The following CPLANE1 variants were observed in gnomAD, a reference collection of about 807,000 sequenced individuals.
The protein encoded by CPLANE1 is ciliogenesis and planar polarity effector complex subunit 1.
In CPLANE1, 263 loss-of-function variants were observed where a neutral mutation model predicts 362.5. That is an observed-to-expected ratio of 0.73 (90% confidence interval 0.66 to 0.80). The LOEUF (loss-of-function observed/expected upper bound fraction) is 0.80. Among genes scored for constraint, CPLANE1 ranks in the 30% least tolerant of loss-of-function variants. The probability of loss-of-function intolerance (pLI) is 0.00; values close to 1 mark genes in which losing one functional copy is unlikely to be tolerated. For missense variants in CPLANE1, 3,461 were observed against 3,793.4 expected, an observed-to-expected ratio of 0.91 and a Z score of 2.30; for synonymous variants, 1,212 against 1,302.6, an observed-to-expected ratio of 0.93 and a Z score of 1.50.
intron 36 of CPLANE1, among the ~76,000 whole-genome samples, chr5:37,164,922 C>A (rs539154580): frequency 6.6e-6 from 1 of 152,026 alleles, no homozygotes; most frequent in Non-Finnish European, 1.5e-5. Flanking sequence ...CTGGGCAACA[C>A]AGCAAGGTCC....
intron 30 of CPLANE1, 29 bp from the exon 31 acceptor site, chr5:37,176,015 T>C (rs1781071928): frequency 1.4e-6 from 2 of 1,450,600 alleles, no homozygotes; most frequent in African/African-American, 1.4e-5. Context: ...AGGTGATTAG[T>C]AAGCAAGATA....
At chr5:37,185,521 G>A (rs1306750054) in intron 24 of CPLANE1, among the ~76,000 whole-genome samples, 1 of 151,940 alleles carries the variant, frequency 6.6e-6, no homozygotes, top group Admixed American at 6.6e-5. Context: ...ACAATAGCAA[G>A]GGAAGGTTTT....
chr5:37,171,041 G>T (rs572577114), intron 32 of CPLANE1, among the ~76,000 whole-genome samples: 1 of 152,208 alleles, frequency 6.6e-6, no homozygotes, highest in Non-Finnish European at 1.5e-5. Context: ...CCTTGGAAAC[G>T]CTGACTAGGT....
intron 2 of CPLANE1, 84 bp downstream of exon 2, chr5:37,247,534 G>T: frequency 8.6e-7 from 1 of 1,166,206 alleles, no homozygotes; most frequent in Non-Finnish European, 1.2e-6. Flanking sequence ...ATTTATTTAA[G>T]ATCATAGAAC....
chr5:37,094,188 C>T, the CPLANE1 span, among the ~76,000 whole-genome samples: 1 of 152,034 alleles, frequency 6.6e-6, no homozygotes, highest in African/African-American at 2.4e-5. Context: ...GACCCTTGGC[C>T]AGATTGACAA....
In CPLANE1 at chr5:37,209,303, G is replaced by C. The variant is rs1055445322; in HGVS notation, c.2921-2878C>G. Reference sequence around the variant, plus strand: ...CGTCTTGGCCCTACAGCCCCAGCTGGGCACTAAACTCGGGCCACGGCGGGG... The same window carrying C: ...CGTCTTGGCCCTACAGCCCCAGCTGCGCACTAAACTCGGGCCACGGCGGGG... On this transcript the variant is annotated intron_variant, in intron 16 of 52. Transcript: ENST00000651892. This position sits in a 1 kb window ranked among gnomAD's most constrained non-coding sequence, Gnocchi z 4.6. 21 of 769,408 alleles carry C rather than the reference G, an allele frequency of 2.7e-5. No homozygotes were observed. Among genetic ancestry groups the C allele is most frequent in the Non-Finnish European group, 4.0e-5 (17 of 421,658 alleles). The allele number at this position is 769,408 out of a possible 1,614,324, so 47.7% of individuals were successfully genotyped here.
intron 46 of CPLANE1, among the ~76,000 whole-genome samples, chr5:37,137,562 C>T (rs1768094816): frequency 1.3e-5 from 2 of 152,192 alleles, no homozygotes; most frequent in Admixed American, 1.3e-4. Context: ...ATAAGACATA[C>T]CTGAGACTGA....
chr5:37,189,051 G>A (rs574833118), intron 21 of CPLANE1, among the ~76,000 whole-genome samples: 105 of 152,230 alleles, frequency 6.9e-4, no homozygotes, highest in Non-Finnish European at 1.2e-3. Context: ...GTTTCACCAT[G>A]TTGGCCAGGC....
intron 47 of CPLANE1, chr5:37,124,990 T>A: frequency 8.2e-7 from 1 of 1,219,424 alleles, no homozygotes; most frequent in Non-Finnish European, 1.0e-6. Context: ...CTCCTCTTGT[T>A]AAAATGCTAT....
chr5:37,221,744 T>C (rs1795400715), intron 14 of CPLANE1, among the ~76,000 whole-genome samples: 1 of 152,226 alleles, frequency 6.6e-6, no homozygotes, highest in Admixed American at 6.5e-5. Flanking sequence ...ACCAGCAGTT[T>C]CAGTCTTCAG....
chr5:37,126,017 T>C (rs1244238967), intron 46 of CPLANE1, among the ~76,000 whole-genome samples: 2 of 152,096 alleles, frequency 1.3e-5, no homozygotes, highest in Admixed American at 1.3e-4. Context: ...GCAGGCAGAC[T>C]GCTTTAGCCC....
At position 37,182,870 on chromosome 5, in the gene CPLANE1, A is replaced by T; in HGVS notation, c.5311T>A (p.Tyr1771Asn). ...GTCTTTACACGAATTACTGGACTGTACTCAGAGGATGACTCAGTTATACCA... is the reference window on the plus strand; with the variant it reads ...GTCTTTACACGAATTACTGGACTGTTCTCAGAGGATGACTCAGTTATACCA... ...DSGITESSSE[Y>N]SPVIRVKTST... Residue 1771 changes from tyrosine to asparagine, a missense_variant, in exon 26 of 53, where the codon TAC becomes AAC. Transcript: ENST00000651892. 26 of 1,610,172 alleles carry T rather than the reference A, an allele frequency of 1.6e-5. No homozygotes were observed. Among genetic ancestry groups the T allele is most frequent in the Non-Finnish European group, 2.2e-5 (26 of 1,179,004 alleles).
chr5:37,213,860 A>G, intron 15 of CPLANE1, 128 bp from the exon 16 acceptor site: 1 of 587,190 alleles, frequency 1.7e-6, no homozygotes, highest in Non-Finnish European at 2.8e-6. Context: ...CCCATGGCCA[A>G]TACAAGCTGA....
chr5:37,182,660 C>T, intron 26 of CPLANE1, 100 bp downstream of exon 26: 1 of 763,374 alleles, frequency 1.3e-6, no homozygotes, highest in Non-Finnish European at 2.0e-6. Context: ...CATTAATTTT[C>T]TATTATTTAA....
intron 45 of CPLANE1, 96 bp from the exon 46 acceptor site, chr5:37,138,944 A>G (rs1032397465): frequency 6.7e-6 from 7 of 1,052,282 alleles, no homozygotes; most frequent in Non-Finnish European, 9.7e-6. Context: ...ACACAAAATG[A>G]TAAACATATA....
chr5:37,181,845 C>A (rs898955217), intron 26 of CPLANE1, among the ~76,000 whole-genome samples: 1 of 150,318 alleles, frequency 6.7e-6, no homozygotes, highest in African/African-American at 2.5e-5. Context: ...GTAATCCCAG[C>A]ACTTTGGGAG....
Position 37,230,872 on chromosome 5 carries a change from C to A in CPLANE1, c.1116G>T (p.Thr372=), listed in dbSNP as rs551066377. Residue 372 remains threonine, a synonymous_variant, in exon 9 of 53, where the codon ACG becomes ACT. Transcript: ENST00000651892. ...ACACAATTCAAATGTCTCACCTATA[C>A]GTTATTAGTGGATGAAGAGGAATAA... ...AEFIPLHPLI[T]YRPQQFTFQD... is the part of the protein sequence containing the mutation. The A allele has an allele frequency of 7.2e-6, 11 of 1,524,614 alleles. No homozygotes were observed. Among genetic ancestry groups the A allele is most frequent in the Admixed American group, 2.1e-5 (1 of 47,334 alleles). The allele number at this position is 1,524,614 out of a possible 1,614,324, so 94.4% of individuals were successfully genotyped here. A position where few individuals can be genotyped will look rare whatever the true frequency, so the allele number is the denominator to read the frequency against.
chr5:37,126,075 TA>T (rs938408993), intron 46 of CPLANE1, among the ~76,000 whole-genome samples: 24 of 149,808 alleles, frequency 1.6e-4, no homozygotes, highest in East Asian at 3.9e-4. Context: ...TCATCTCTAT[TA>T]AAAAAAAAAT....
chr5:37,189,662 G>A (rs1259496918), intron 21 of CPLANE1, among the ~76,000 whole-genome samples: 1 of 152,158 alleles, frequency 6.6e-6, no homozygotes, highest in African/African-American at 2.4e-5. Flanking sequence ...AATTCAGTGA[G>A]TCTCAATCAT....
Sources: gnomAD v4.1 joint callset for allele counts (sites outside exome capture counted in the v4.1 genomes callset) on GRCh38, gnomAD v4.1.1 for gene constraint, Gnocchi (gnomAD v3.1) non-coding constraint, MANE v1.5 for transcripts, NCBI Gene and HGNC (gene_info 2026-07-23, HGNC 2026-07-21) for gene names.